The following CTNND2 variants were observed in gnomAD, a reference collection of about 807,000 sequenced individuals.
The protein encoded by CTNND2 is catenin delta-2.
A neutral mutation model predicts 144.4 loss-of-function variants in CTNND2; 22 were observed. The observed-to-expected ratio is 0.15, with a 90% CI of 0.11 to 0.22. The LOEUF (loss-of-function observed/expected upper bound fraction) is 0.22, where lower values mean the gene tolerates loss of function less well. CTNND2 is among the 10% of genes least tolerant of loss of function. The probability of loss-of-function intolerance (pLI) is 1.00; values close to 1 mark genes in which losing one functional copy is unlikely to be tolerated. For missense variants in CTNND2, 1,353 were observed against 1,618.8 expected (o/e 0.84, Z 2.82); for synonymous variants, 751 against 695.6 (o/e 1.08, Z -1.25).
chr5:11,818,827 T>G (rs1289498961), intron 1 of CTNND2, among the ~76,000 whole-genome samples: 1 of 152,190 alleles, frequency 6.6e-6, no homozygotes, highest in Non-Finnish European at 1.5e-5. Flanking sequence ...CATGGAGCCC[T>G]CACTGTGAGT....
intron 1 of CTNND2, among the ~76,000 whole-genome samples, chr5:11,844,086 T>C (rs1018639609): frequency 6.6e-6 from 1 of 152,206 alleles, no homozygotes; most frequent in Non-Finnish European, 1.5e-5. Context: ...ACTGAGGGCA[T>C]TGGCTGTTAT....
At chr5:11,113,341 C>A (rs1753197965) in intron 13 of CTNND2, among the ~76,000 whole-genome samples, 1 of 152,140 alleles carries the variant, frequency 6.6e-6, no homozygotes, top group African/African-American at 2.4e-5. Flanking sequence ...CAGCCCACAG[C>A]CGGTTGTGCA....
chr5:11,080,419 C>A (rs1449436582), intron 16 of CTNND2, among the ~76,000 whole-genome samples: 5 of 152,148 alleles, frequency 3.3e-5, no homozygotes, highest in Non-Finnish European at 1.5e-5. Flanking sequence ...TATATAGGTT[C>A]TACAAAAAGC....
intron 1 of CTNND2, among the ~76,000 whole-genome samples, chr5:11,779,221 AT>A (rs1022486842): frequency 3.9e-5 from 6 of 152,300 alleles, no homozygotes; most frequent in East Asian, 3.9e-4. Context: ...ATTTTTATGA[AT>A]TTTTTAACCA....
chr5:11,145,042 G>A (rs1045326678), intron 12 of CTNND2, among the ~76,000 whole-genome samples: 1 of 152,114 alleles, frequency 6.6e-6, no homozygotes, highest in Non-Finnish European at 1.5e-5. Context: ...GGCCAGGAAT[G>A]GGTGAGGGAT....
At chr5:11,410,687 T>C (rs938599356) in intron 5 of CTNND2, among the ~76,000 whole-genome samples, 2 of 152,142 alleles carry the variant, frequency 1.3e-5, no homozygotes, top group African/African-American at 4.8e-5. Flanking sequence ...AAATGTTCTA[T>C]GGAATTAATA....
At chr5:11,112,298 G>A (rs768976638) in intron 13 of CTNND2, among the ~76,000 whole-genome samples, 4 of 152,316 alleles carry the variant, frequency 2.6e-5, no homozygotes, top group South Asian at 4.1e-4. Context: ...GGGCCTGTAC[G>A]TCAAAGAGGA....
intron 2 of CTNND2, among the ~76,000 whole-genome samples, chr5:11,670,959 A>G (rs1783848644): frequency 6.6e-6 from 1 of 152,188 alleles, no homozygotes; most frequent in African/African-American, 2.4e-5. Flanking sequence ...GAGCTCCTGT[A>G]AGGCAGGTCT....
Position 11,762,969 on chromosome 5 carries a change from T to G in CTNND2, c.38-30697A>C, listed in dbSNP as rs573342805. 2.0e-5 allele frequency among the ~76,000 whole-genome samples: 3 copies of G among 152,308 alleles called. No homozygotes were observed. The East Asian group carries it at 5.8e-4, about 29-fold the overall frequency. On this transcript the variant is annotated intron_variant, in intron 1 of 21. Transcript: ENST00000304623. ...GTCCCCATGCAAATCTCATGTTGAA[T>G]TGTAATCTCCAGTGTTGGGGTGGAT...
chr5:11,902,709 A>G (rs1210828993), intron 1 of CTNND2, among the ~76,000 whole-genome samples: 1 of 152,198 alleles, frequency 6.6e-6, no homozygotes, highest in African/African-American at 2.4e-5. Flanking sequence ...GCTTGAGCAC[A>G]GTAAAAATAC....
At chr5:11,638,398 A>C (rs1781821427) in intron 2 of CTNND2, among the ~76,000 whole-genome samples, 5 of 152,248 alleles carry the variant, frequency 3.3e-5, no homozygotes, top group African/African-American at 9.6e-5. Flanking sequence ...CATTAGTCTA[A>C]GAAATAACTG....
rs565703105 is a variant in CTNND2 at position 11,740,916 on chromosome 5, C to A, written c.38-8644G>T. On this transcript the variant is annotated intron_variant, in intron 1 of 21. Coordinates refer to ENST00000304623, the MANE Select transcript of CTNND2 (RefSeq NM_001332.4). ...CACTTTTCATACAGGACTTTTCATACAGGCACTTCTCAAAAGACAACATTT... is the reference window on the plus strand; with the variant it reads ...CACTTTTCATACAGGACTTTTCATAAAGGCACTTCTCAAAAGACAACATTT... 6.6e-5 allele frequency among the ~76,000 whole-genome samples: 10 copies of A among 152,254 alleles called. No individual in the cohort carries two copies. The East Asian group carries it at 1.3e-3, about 21-fold the overall frequency.
At chr5:11,831,449 A>G (rs1302182423) in intron 1 of CTNND2, among the ~76,000 whole-genome samples, 1 of 151,866 alleles carries the variant, frequency 6.6e-6, no homozygotes, top group East Asian at 1.9e-4. Flanking sequence ...CGGGTAGATC[A>G]CGAGGTCAGG....
At chr5:11,048,383 T>C (rs1745499050) in intron 16 of CTNND2, among the ~76,000 whole-genome samples, 1 of 152,238 alleles carries the variant, frequency 6.6e-6, no homozygotes, top group Non-Finnish European at 1.5e-5. Flanking sequence ...GTCCTAAATT[T>C]AATGTGATAT....
At chr5:11,118,599 G>A (rs2149696313) in intron 12 of CTNND2, among the ~76,000 whole-genome samples, 1 of 152,274 alleles carries the variant, frequency 6.6e-6, no homozygotes, top group African/African-American at 2.4e-5. Context: ...CTGATGTTGA[G>A]AACTCAGACC....
chr5:11,131,499 C>A (rs938154963), intron 12 of CTNND2, among the ~76,000 whole-genome samples: 2 of 152,116 alleles, frequency 1.3e-5, no homozygotes, highest in Non-Finnish European at 2.9e-5. Context: ...ATTAAAACAG[C>A]CTTTCCGGCT....
At chr5:11,612,620 T>C (rs968525236) in intron 2 of CTNND2, among the ~76,000 whole-genome samples, 2 of 152,166 alleles carry the variant, frequency 1.3e-5, no homozygotes, top group Non-Finnish European at 2.9e-5. Flanking sequence ...CAAAAATAGG[T>C]TGGGTACAGT....
At chr5:11,400,488 C>T (rs1347879727) in intron 5 of CTNND2, among the ~76,000 whole-genome samples, 9 of 152,248 alleles carry the variant, frequency 5.9e-5, no homozygotes, top group Middle Eastern at 3.4e-3. Context: ...CAGAACTGAG[C>T]CCAAGGGTTT....
intron 12 of CTNND2, among the ~76,000 whole-genome samples, chr5:11,127,888 G>A (rs917582531): frequency 1.3e-5 from 2 of 152,120 alleles, no homozygotes; most frequent in Admixed American, 1.3e-4. Context: ...TGGGGACTGT[G>A]GATGGAATGA....
Sources: gnomAD v4.1 joint callset for allele counts (sites outside exome capture counted in the v4.1 genomes callset) on GRCh38, gnomAD v4.1.1 for gene constraint, MANE v1.5 for transcripts, NCBI Gene and HGNC (gene_info 2026-07-23, HGNC 2026-07-21) for gene names.